The following CD81 variants were observed in gnomAD, a reference collection of about 807,000 sequenced individuals.
CD81 encodes the protein CD81 antigen.
CD81 carries 10 observed loss-of-function variants against 30.1 expected under a neutral mutation model. That is an observed-to-expected ratio of 0.33 (90% CI 0.21 to 0.56). The LOEUF (loss-of-function observed/expected upper bound fraction) is 0.56. Ranked by LOEUF, CD81 falls within the 20% of genes least tolerant of loss-of-function variation. The probability of loss-of-function intolerance (pLI) is 0.89; values close to 1 mark genes in which losing one functional copy is unlikely to be tolerated. For synonymous variants in CD81, 147 were observed against 126.4 expected (o/e 1.16, Z -1.10); for missense variants, 263 against 308.7 (o/e 0.85, Z 1.11).
At position 2,382,269 on chromosome 11, in the gene CD81, G is replaced by A. The variant is rs552583561; in HGVS notation, c.66+4654G>A. On this transcript the variant is annotated intron_variant, in intron 1 of 7. Transcript: ENST00000263645. ...AGGGCTGCGGGCTCAAGGAGTTGGC[G>A]GTAGGGCTGGGGGACCAGGGGCACA... Among the ~76,000 whole-genome samples the A allele has an allele frequency of 3.9e-5, 6 of 152,368 alleles. No individual in the cohort carries two copies. The South Asian group carries it at 6.2e-4, about 16-fold the overall frequency.
intron 1 of CD81, among the ~76,000 whole-genome samples, chr11:2,388,333 G>A (rs1487983395): frequency 6.8e-6 from 1 of 146,936 alleles, no homozygotes; most frequent in Admixed American, 6.6e-5. Flanking sequence ...AACCCTCACC[G>A]AGGCCCTAGA....
rs1849624793 is a variant in CD81, at chr11:2,377,787, C to G, written c.66+172C>G. The G allele has an allele frequency of 3.3e-6, 1 of 300,242 alleles. No homozygotes were observed. The highest frequency in any genetic ancestry group is 6.2e-6 in the Non-Finnish European group (1 of 160,458). 18.6% of individuals were successfully genotyped at this position (300,242 alleles called of 1,614,324 possible). On this transcript the variant is annotated intron_variant, in intron 1 of 7. Coordinates refer to ENST00000263645, the MANE Select transcript of CD81 (RefSeq NM_004356.4). This position sits in a 1 kb window ranked among gnomAD's most constrained non-coding sequence, Gnocchi z 7.7. ...GGGTCGCCCGGGGCCACCGCGCCCCCCGACATTGGGGCTGAGGGCTGCGAG... is the reference window on the plus strand; with the variant it reads ...GGGTCGCCCGGGGCCACCGCGCCCCGCGACATTGGGGCTGAGGGCTGCGAG...
chr11:2,396,672 G>A lies in CD81; in HGVS notation c.606G>A (p.Leu202=). 6.2e-7 allele frequency: 1 copy of A among 1,611,854 alleles called. No individual in the cohort carries two copies. The highest frequency in any genetic ancestry group is 8.5e-7 in the Non-Finnish European group (1 of 1,179,994). The change falls in exon 7 of 8, where the codon CTG becomes CTA. Residue 202 remains leucine, a synonymous_variant. Coordinates refer to ENST00000263645, the MANE Select transcript of CD81 (RefSeq NM_004356.4). ...QKIDDLFSGK[L]YLIGIAAIVV... The stretch of plus-strand genomic sequence containing the variant: ...TCGATGACCTCTTCTCCGGGAAGCT[G>A]TACCTCATCGGCATTGCTGCCATCG...
In CD81 at chr11:2,396,878, T is replaced by A. The variant is rs765716594; in HGVS notation, c.*12T>A. 4.3e-6 allele frequency: 7 copies of A among 1,612,030 alleles called. No individual in the cohort carries two copies. Reference sequence around the variant, plus strand: ...GCTCCGTGTACTGAGGCCCCGCAGCTCTGGCCACAGGGACCTCTGCAGTGC... The same window carrying A: ...GCTCCGTGTACTGAGGCCCCGCAGCACTGGCCACAGGGACCTCTGCAGTGC... On this transcript the variant is annotated 3_prime_UTR_variant, in exon 8 of 8. Coordinates refer to ENST00000263645, the MANE Select transcript of CD81 (RefSeq NM_004356.4).
At chr11:2,395,766 G>A in intron 5 of CD81, 103 bp from the exon 6 acceptor site, 1 of 840,516 alleles carries the variant, frequency 1.2e-6, no homozygotes, top group Non-Finnish European at 2.0e-6. Flanking sequence ...GCATTCTGCA[G>A]TGGGGAGCGC....
intron 1 of CD81, among the ~76,000 whole-genome samples, chr11:2,388,556 G>A (rs1038703582): frequency 7.2e-5 from 11 of 152,208 alleles, no homozygotes; most frequent in Admixed American, 1.3e-4. Context: ...GCAGTTGACC[G>A]GCAGCCCTGC....
rs148328051 is a variant in CD81 at position 2,393,727 on chromosome 11, G to A, written c.182-368G>A. On this transcript the variant is annotated intron_variant, in intron 2 of 7. Coordinates refer to ENST00000263645, the MANE Select transcript of CD81 (RefSeq NM_004356.4). Reference sequence around the variant, plus strand: ...GCCAAGTCCCAGAGGCTTTGGGAGCGGGTGAAGGCGGTGGGTGGCGGGTGG... The same window carrying A: ...GCCAAGTCCCAGAGGCTTTGGGAGCAGGTGAAGGCGGTGGGTGGCGGGTGG... The A allele has an allele frequency of 2.6e-3, 1,566 of 597,872 alleles. 8 individuals carry two copies. Among genetic ancestry groups the A allele is most frequent in the Non-Finnish European group, 3.2e-3 (1,068 of 334,532 alleles). The allele number at this position is 597,872 out of a possible 1,614,324, so 37.0% of individuals were successfully genotyped here. A position where few individuals can be genotyped will look rare whatever the true frequency, so the allele number is the denominator to read the frequency against.
rs376534440 is a variant in CD81 at position 2,395,445 on chromosome 11, C to G, written c.384C>G (p.Asp128Glu). Residue 128 changes from aspartate (D) to glutamate (E), a missense_variant, in exon 5 of 8, where the codon GAC becomes GAG. By Grantham distance (45) the Asp-to-Glu change is conservative. Transcript: ENST00000263645. ...CCAAGGATGTGAAGCAGTTCTATGACCAGGCCCTACAGCAGGCCGTGGTGG... is the reference window on the plus strand; with the variant it reads ...CCAAGGATGTGAAGCAGTTCTATGAGCAGGCCCTACAGCAGGCCGTGGTGG... The part of the protein sequence containing the change: ...QIAKDVKQFY[D>E]QALQQAVVDD... 3.1e-6 allele frequency: 5 copies of G among 1,612,652 alleles called. No individual in the cohort carries two copies. Among genetic ancestry groups the G allele is most frequent in the Non-Finnish European group, 4.2e-6 (5 of 1,179,880 alleles).
chr11:2,386,994 C>T (rs1236902536), intron 1 of CD81, among the ~76,000 whole-genome samples: 2 of 152,256 alleles, frequency 1.3e-5, no homozygotes, highest in African/African-American at 4.8e-5. Context: ...CAGCAAGAAG[C>T]TGCAACGTGG....
At chr11:2,393,693 C>G (rs1849943241) in intron 2 of CD81, 1 of 588,432 alleles carries the variant, frequency 1.7e-6, no homozygotes, top group South Asian at 2.0e-5. Flanking sequence ...GATGCCACTC[C>G]CACCCCACGC....
At chr11:2,377,019 A>C (rs535107626), upstream of CD81, 3 of 152,522 alleles carry the variant, frequency 2.0e-5, no homozygotes, top group South Asian at 6.2e-4. The surrounding 1 kb of genome is among the most constrained non-coding windows in gnomAD (Gnocchi z 7.7). Flanking sequence ...ACTCCTGGGC[A>C]GACGCTGCAT....
chr11:2,386,425 C>T (rs1031029661), intron 1 of CD81: 1 of 660,792 alleles, frequency 1.5e-6, no homozygotes, highest in Non-Finnish European at 2.8e-6. Flanking sequence ...CTGTGCCTTT[C>T]CCACCACGGG....
intron 2 of CD81, chr11:2,393,607 C>A (rs7940819): frequency 0.027 from 13,190 of 496,712 alleles, 710 homozygotes; most frequent in African/African-American, 0.16. Flanking sequence ...ACTGGGGAGG[C>A]AGCATTGGTT....
chr11:2,392,953 G>C (rs1266669499), intron 2 of CD81: 1 of 152,344 alleles, frequency 6.6e-6, no homozygotes, highest in Non-Finnish European at 1.5e-5. Context: ...AGGGCCTGAG[G>C]GGAGGGAGAC....
Position 2,386,488 on chromosome 11 carries a change from G to C in CD81, c.67-3924G>C, listed in dbSNP as rs1051132011. The C allele has an allele frequency of 1.8e-5, 13 of 709,562 alleles. No homozygotes were observed. In the Admixed American group the frequency reaches 2.6e-4, roughly 14 times the overall value. 44.0% of individuals were successfully genotyped at this position (709,562 alleles called of 1,614,324 possible). On this transcript the variant is annotated intron_variant, in intron 1 of 7. Transcript: ENST00000263645. ...CTCCCTCGTAGGTGGCCCTAGGGGGGTCCCTCCGCCTCCGTTTCCTCATCC... is the reference window on the plus strand; with the variant it reads ...CTCCCTCGTAGGTGGCCCTAGGGGGCTCCCTCCGCCTCCGTTTCCTCATCC...
intron 2 of CD81, chr11:2,391,074 G>T: frequency 4.4e-6 from 1 of 225,228 alleles, no homozygotes; most frequent in South Asian, 6.9e-5. Context: ...CCCAGGAGCA[G>T]GAGCAGGAGT....
intron 2 of CD81, chr11:2,393,593 C>G (rs1026619366): frequency 8.9e-6 from 4 of 450,366 alleles, no homozygotes; most frequent in African/African-American, 2.0e-5. Flanking sequence ...TCTTCTCGCA[C>G]CACACTGGGG....
rs930091312 is a variant in CD81, at chr11:2,377,874, GGCC to G, written c.66+264_66+266del. 4.5e-6 allele frequency: 1 copy of G among 224,706 alleles called. No homozygotes were observed. The highest frequency in any genetic ancestry group is 8.8e-6 in the Non-Finnish European group (1 of 114,094). The allele number at this position is 224,706 out of a possible 1,614,324, so 13.9% of individuals were successfully genotyped here. On this transcript the variant is annotated intron_variant, in intron 1 of 7. Transcript: ENST00000263645. The surrounding 1 kb of genome is among the most constrained non-coding windows in gnomAD (Gnocchi z 7.7). ...CTGCGGCCGGGCCGGGGCTTCTGGG[GGCC>G]GCCGGGCAGTTCCCGCTGTGGTGGT...
chr11:2,395,450 C>A lies in CD81; in HGVS notation c.389C>A (p.Ala130Asp). The A allele has an allele frequency of 6.2e-7, 1 of 1,612,794 alleles. No individual in the cohort carries two copies. The highest frequency in any genetic ancestry group is 8.5e-7 in the Non-Finnish European group (1 of 1,179,872). The change falls in exon 5 of 8, where the codon GCC (alanine) becomes GAC (aspartate). Residue 130 changes from alanine (A) to aspartate (D), a missense_variant. Ala to Asp is a moderately radical substitution (Grantham distance 126). Coordinates refer to ENST00000263645, the MANE Select transcript of CD81 (RefSeq NM_004356.4). ...AKDVKQFYDQ[A>D]LQQAVVDDDA... ...GATGTGAAGCAGTTCTATGACCAGG[C>A]CCTACAGCAGGCCGTGGTGGATGAT...
Sources: gnomAD v4.1 joint callset for allele counts (sites outside exome capture counted in the v4.1 genomes callset) on GRCh38, gnomAD v4.1.1 for gene constraint, Gnocchi (gnomAD v3.1) non-coding constraint, MANE v1.5 for transcripts, NCBI Gene and HGNC (gene_info 2026-07-23, HGNC 2026-07-21) for gene names.